Variants in VTI1A observed in about 807,000 individuals in gnomAD.
VTI1A encodes vesicle transport through interaction with t-SNAREs 1A, also known as vesicle transport through interaction with t-SNAREs homolog 1A.
VTI1A carries 22 observed loss-of-function variants against 34.9 expected under a neutral mutation model. That is an observed-to-expected ratio of 0.63 (90% CI 0.45 to 0.90). The LOEUF (loss-of-function observed/expected upper bound fraction) is 0.90, where lower values mean the gene tolerates loss of function less well. Ranked by LOEUF, VTI1A falls within the 40% of genes least tolerant of loss-of-function variation. VTI1A has a pLI of 0.00. For missense variants in VTI1A, 268 were observed against 275.6 expected (o/e 0.97, Z 0.20); for synonymous variants, 87 against 97.3 (o/e 0.89, Z 0.62).
chr10:112,508,072 T>G (rs986334135), intron 3 of VTI1A, among the ~76,000 whole-genome samples: 1 of 152,182 alleles, frequency 6.6e-6, no homozygotes, highest in African/African-American at 2.4e-5. Context: ...AAGTCTATTG[T>G]GATTTTCTAT....
chr10:112,588,976 A>T (rs1055631692), intron 5 of VTI1A, among the ~76,000 whole-genome samples: 6 of 147,410 alleles, frequency 4.1e-5, no homozygotes, highest in African/African-American at 1.5e-4. Context: ...GTCATTTTCT[A>T]TCACCACATT....
intron 5 of VTI1A, among the ~76,000 whole-genome samples, chr10:112,556,933 A>G (rs1270504304): frequency 6.6e-6 from 1 of 152,092 alleles, no homozygotes. Context: ...CATTTTATAC[A>G]GAAAACTGAG....
rs1419003829 is a variant in VTI1A at position 112,531,107 on chromosome 10, G to A, written c.342+3943G>A. ...CACACACACACACACACACACACGT[G>A]CGCACGTGCGCGCGCGCGCATGAAC... On this transcript the variant is annotated intron_variant, in intron 4 of 7. Transcript: ENST00000393077. Among the ~76,000 whole-genome samples the A allele has an allele frequency of 8.9e-4, 66 of 74,412 alleles. 1 individual carries two copies. The highest frequency in any genetic ancestry group is 1.8e-3 in the Admixed American group (15 of 8,114). 48.8% of individuals were successfully genotyped at this position (74,412 alleles called of 152,430 possible).
intron 7 of VTI1A, among the ~76,000 whole-genome samples, chr10:112,777,907 A>C (rs1466162388): frequency 6.6e-6 from 1 of 152,196 alleles, no homozygotes; most frequent in East Asian, 1.9e-4. Context: ...GTTCCAGACC[A>C]GCCTGACCAA....
intron 5 of VTI1A, among the ~76,000 whole-genome samples, chr10:112,572,100 A>T (rs36067594): frequency 2.0e-5 from 3 of 152,216 alleles, no homozygotes; most frequent in Admixed American, 6.5e-5. Context: ...TACTAATGTA[A>T]CAAACTTGCT....
At chr10:112,505,217 A>G (rs1849385036) in intron 3 of VTI1A, among the ~76,000 whole-genome samples, 1 of 152,152 alleles carries the variant, frequency 6.6e-6, no homozygotes, top group South Asian at 2.1e-4. Context: ...TCAGGATTAT[A>G]AAAAATTAAG....
At chr10:112,468,949 T>G (rs1847992608) in intron 3 of VTI1A, among the ~76,000 whole-genome samples, 1 of 152,204 alleles carries the variant, frequency 6.6e-6, no homozygotes, top group Non-Finnish European at 1.5e-5. Context: ...CTTCATGGTT[T>G]CTCTATCTGG....
At chr10:112,490,603 A>T (rs530546863) in intron 3 of VTI1A, among the ~76,000 whole-genome samples, 159 of 145,684 alleles carry the variant, frequency 1.1e-3, no homozygotes, top group African/African-American at 4.0e-3. Context: ...CCTTGGGGAG[A>T]TGCTACAATT....
chr10:112,632,686 C>T (rs995914436), intron 5 of VTI1A, among the ~76,000 whole-genome samples: 15 of 152,146 alleles, frequency 9.9e-5, no homozygotes, highest in Admixed American at 2.6e-4. Context: ...TCATATAGTC[C>T]TACCTAACCA....
chr10:112,827,919 A>G, the VTI1A span, among the ~76,000 whole-genome samples: 1 of 151,012 alleles, frequency 6.6e-6, no homozygotes, highest in Non-Finnish European at 1.5e-5. Flanking sequence ...GCAGGTTTTT[A>G]TTTTTCTTTA....
the VTI1A span, among the ~76,000 whole-genome samples, chr10:112,828,627 G>T: frequency 1.3e-5 from 2 of 151,898 alleles, no homozygotes; most frequent in East Asian, 2.0e-4. Flanking sequence ...GGATGGTCTC[G>T]ATCTCCTGAC....
In VTI1A at chr10:112,818,583, G is replaced by A. The variant is rs1853589352; in HGVS notation, c.*3200G>A. 1.8e-5 allele frequency: 4 copies of A among 221,342 alleles called. No individual in the cohort carries two copies. Among genetic ancestry groups the A allele is most frequent in the South Asian group, 1.8e-4 (1 of 5,418 alleles). 13.7% of individuals were successfully genotyped at this position (221,342 alleles called of 1,614,324 possible). On this transcript the variant is annotated 3_prime_UTR_variant, in exon 8 of 8. Transcript: ENST00000393077. The stretch of plus-strand genomic sequence containing the variant: ...AAAAAGTCACGACTGACTGACAGCC[G>A]TCAGTCCCAGAGGGGCTCATTAAAT...
intron 5 of VTI1A, among the ~76,000 whole-genome samples, chr10:112,576,744 G>A (rs1013539414): frequency 1.3e-5 from 2 of 152,092 alleles, no homozygotes; most frequent in Admixed American, 6.5e-5. Context: ...CTATATTTGA[G>A]TGCCAAATAT....
At chr10:112,594,268 T>C (rs1449356464) in intron 5 of VTI1A, among the ~76,000 whole-genome samples, 2 of 152,178 alleles carry the variant, frequency 1.3e-5, no homozygotes, top group East Asian at 3.9e-4. Context: ...CTCTAAACAT[T>C]TGAGCTCATA....
chr10:112,486,021 CTTT>C (rs1848612762), intron 3 of VTI1A, among the ~76,000 whole-genome samples: 1 of 152,154 alleles, frequency 6.6e-6, no homozygotes, highest in African/African-American at 2.4e-5. Flanking sequence ...ATACAAAGTA[CTTT>C]GGGTTAATAA....
At position 112,715,213 on chromosome 10, in the gene VTI1A, C is replaced by A. The variant is rs78405784; in HGVS notation, c.560+46215C>A. ...CCCTAATCTTACAAAATATGAAAAA[C>A]CACAAATTACTGAATTTTAATACTT... On this transcript the variant is annotated intron_variant, in intron 7 of 7. Transcript: ENST00000393077. 4.0e-3 allele frequency among the ~76,000 whole-genome samples: 602 copies of A among 152,094 alleles called. 27 individuals are homozygous for A. The East Asian group carries it at 0.082, about 21-fold the overall frequency.
chr10:112,811,388 C>A (rs1853288240), intron 7 of VTI1A, among the ~76,000 whole-genome samples: 1 of 152,140 alleles, frequency 6.6e-6, no homozygotes, highest in Non-Finnish European at 1.5e-5. Context: ...GTTCCATGAC[C>A]AAGCCTAACA....
At chr10:112,529,783 G>A (rs181267538) in intron 4 of VTI1A, among the ~76,000 whole-genome samples, 1 of 152,106 alleles carries the variant, frequency 6.6e-6, no homozygotes, top group Non-Finnish European at 1.5e-5. Flanking sequence ...GGAATTAATA[G>A]CAATGATTAT....
chr10:112,595,781 A>T (rs1844610007), intron 5 of VTI1A, among the ~76,000 whole-genome samples: 1 of 151,550 alleles, frequency 6.6e-6, no homozygotes, highest in Non-Finnish European at 1.5e-5. Flanking sequence ...AGAACTAGAA[A>T]TACCATTTGA....
Sources: gnomAD v4.1 joint callset for allele counts (sites outside exome capture counted in the v4.1 genomes callset) on GRCh38, gnomAD v4.1.1 for gene constraint, MANE v1.5 for transcripts, NCBI Gene and HGNC (gene_info 2026-07-23, HGNC 2026-07-21) for gene names.